Variants in MAML2 observed in about 807,000 individuals in gnomAD.
MAML2 encodes the protein mastermind-like protein 2.
A neutral mutation model predicts 96.1 loss-of-function variants in MAML2; 22 were observed. The ratio of observed to expected loss-of-function variants is 0.23; its 90% CI spans 0.16 to 0.33. MAML2 has a LOEUF of 0.33. Among genes scored for constraint, MAML2 ranks in the 10% least tolerant of loss-of-function variants. The pLI is 1.00. For missense variants in MAML2, 1,367 were observed against 1,392.4 expected (o/e 0.98, Z 0.29); for synonymous variants, 561 against 521.3 (o/e 1.08, Z -1.04).
chr11:96,023,309 T>C (rs551981216), intron 2 of MAML2, among the ~76,000 whole-genome samples: 1 of 152,342 alleles, frequency 6.6e-6, no homozygotes, highest in East Asian at 1.9e-4. Flanking sequence ...ATGGAGTCAC[T>C]GTTTGCATAT....
chr11:96,050,105 G>A (rs1858967634), intron 2 of MAML2, among the ~76,000 whole-genome samples: 1 of 152,034 alleles, frequency 6.6e-6, no homozygotes, highest in African/African-American at 2.4e-5. Context: ...ACCCAGTAAG[G>A]AAGGGTAAAA....
intron 1 of MAML2, among the ~76,000 whole-genome samples, chr11:96,338,559 T>C (rs1755893914): frequency 6.6e-6 from 1 of 152,212 alleles, no homozygotes; most frequent in African/African-American, 2.4e-5. Context: ...ACAGAAGTTG[T>C]CCTTTCACCT....
intron 1 of MAML2, among the ~76,000 whole-genome samples, chr11:96,303,148 G>A (rs1265929611): frequency 6.6e-6 from 1 of 152,146 alleles, no homozygotes; most frequent in Non-Finnish European, 1.5e-5. Context: ...TGACCATCAT[G>A]TAGTTTTAAT....
chr11:96,260,397 G>A (rs186512722), intron 1 of MAML2, among the ~76,000 whole-genome samples: 5 of 152,142 alleles, frequency 3.3e-5, no homozygotes, highest in Admixed American at 3.3e-4. Flanking sequence ...TCCCTTGGCC[G>A]TCTCCTTTTT....
intron 1 of MAML2, among the ~76,000 whole-genome samples, chr11:96,202,288 T>C (rs1410346304): frequency 2.1e-5 from 3 of 144,728 alleles, no homozygotes; most frequent in Admixed American, 6.9e-5. Context: ...GAGGTGGAGA[T>C]TGCAGCGAGC....
intron 2 of MAML2, among the ~76,000 whole-genome samples, chr11:95,996,941 G>A (rs1425248482): frequency 1.3e-5 from 2 of 152,118 alleles, no homozygotes; most frequent in African/African-American, 2.4e-5. Context: ...CACATTCTCA[G>A]CTGATAGATG....
chr11:95,979,134 C>T lies in MAML2; in HGVS notation c.3285G>A (p.Arg1095=). Residue 1095 remains arginine (R), a synonymous_variant, in exon 5 of 5, where the codon AGG becomes AGA. Transcript: ENST00000524717. ...SNFPSPNQSS[R]AFQGTDHSSD... ...TGCTGTGGTCAGTTCCTTGAAAAGCCCTGGAACTTTGGTTGGGTGAAGGAA... is the reference window on the plus strand; with the variant it reads ...TGCTGTGGTCAGTTCCTTGAAAAGCTCTGGAACTTTGGTTGGGTGAAGGAA... 2 of 1,613,930 alleles carry T rather than the reference C, an allele frequency of 1.2e-6. No homozygotes were observed. The highest frequency in any genetic ancestry group is 1.1e-5 in the South Asian group (1 of 91,080).
chr11:96,316,484 A>T (rs1863634980), intron 1 of MAML2, among the ~76,000 whole-genome samples: 1 of 151,960 alleles, frequency 6.6e-6, no homozygotes, highest in Non-Finnish European at 1.5e-5. Flanking sequence ...TGAGATCTAA[A>T]AATTAAGTGG....
At chr11:96,335,787 G>C (rs545163201) in intron 1 of MAML2, among the ~76,000 whole-genome samples, 1 of 152,216 alleles carries the variant, frequency 6.6e-6, no homozygotes, top group South Asian at 2.1e-4. Context: ...CCAGGATGTG[G>C]ATCAATCTCA....
chr11:96,063,001 A>G (rs1859190543), intron 2 of MAML2, among the ~76,000 whole-genome samples: 1 of 152,196 alleles, frequency 6.6e-6, no homozygotes, highest in Non-Finnish European at 1.5e-5. Context: ...TAAAACCCAA[A>G]ACAAACTCTT....
At chr11:96,186,737 C>T (rs559642672) in intron 1 of MAML2, among the ~76,000 whole-genome samples, 6 of 152,284 alleles carry the variant, frequency 3.9e-5, no homozygotes, top group East Asian at 3.9e-4. Context: ...GATGAGAAAC[C>T]GATAGAGAGA....
rs547794764 is a variant in MAML2 at position 96,022,899 on chromosome 11, G to C, written c.2140-31176C>G. Among the ~76,000 whole-genome samples the C allele has an allele frequency of 2.0e-5, 3 of 152,306 alleles. No individual in the cohort carries two copies. In the East Asian group the frequency reaches 5.8e-4, roughly 29 times the overall value. Reference sequence around the variant, plus strand: ...GATGGGCAGATGGACTAGGCCAGTAGACATGACGCTTAACCTCAAAACCAG... The same window carrying C: ...GATGGGCAGATGGACTAGGCCAGTACACATGACGCTTAACCTCAAAACCAG... On this transcript the variant is annotated intron_variant, in intron 2 of 4. Coordinates refer to ENST00000524717, the MANE Select transcript of MAML2 (RefSeq NM_032427.4).
At chr11:96,173,784 T>C (rs927399161) in intron 1 of MAML2, among the ~76,000 whole-genome samples, 1 of 152,256 alleles carries the variant, frequency 6.6e-6, no homozygotes, top group African/African-American at 2.4e-5. Context: ...CATCATTATG[T>C]ACTCCTCACT....
intron 1 of MAML2, among the ~76,000 whole-genome samples, chr11:96,321,098 A>G (rs1356218696): frequency 6.6e-6 from 1 of 152,240 alleles, no homozygotes; most frequent in Non-Finnish European, 1.5e-5. Context: ...AGGTACTTCC[A>G]CAGCATATGG....
chr11:96,285,966 G>A lies in MAML2; in HGVS notation c.513+55417C>T, dbSNP rs473445. On this transcript the variant is annotated intron_variant, in intron 1 of 4. Transcript: ENST00000524717. Reference sequence around the variant, plus strand: ...AAATACCATTTGACCCAGCAATCCCGTTACTGGGTATATACCCAAAGGAAT... The same window carrying A: ...AAATACCATTTGACCCAGCAATCCCATTACTGGGTATATACCCAAAGGAAT... Among the ~76,000 whole-genome samples, 543 of 152,212 alleles carry A rather than the reference G, an allele frequency of 3.6e-3. 3 individuals carry two copies. Among genetic ancestry groups the A allele is most frequent in the African/African-American group, 0.013 (525 of 41,544 alleles).
intron 2 of MAML2, among the ~76,000 whole-genome samples, chr11:96,062,526 AG>A (rs1221120362): frequency 3.3e-5 from 5 of 152,234 alleles, no homozygotes; most frequent in African/African-American, 4.8e-5. Context: ...GGCTACAATA[AG>A]GGTGGCAGAG....
chr11:96,189,936 G>A (rs1861628701), intron 1 of MAML2, among the ~76,000 whole-genome samples: 1 of 152,150 alleles, frequency 6.6e-6, no homozygotes, highest in South Asian at 2.1e-4. Context: ...ATCTAGGATT[G>A]TATATGGCTG....
chr11:96,218,723 A>G (rs1269445405), intron 1 of MAML2, among the ~76,000 whole-genome samples: 2 of 152,168 alleles, frequency 1.3e-5, no homozygotes, highest in African/African-American at 4.8e-5. Context: ...TTTTCCCTCC[A>G]ATTCCTGACT....
At chr11:96,132,796 T>C (rs1860567815) in intron 1 of MAML2, among the ~76,000 whole-genome samples, 1 of 152,246 alleles carries the variant, frequency 6.6e-6, no homozygotes, top group African/African-American at 2.4e-5. Flanking sequence ...TATTTGGGTG[T>C]TCTGGACTGC....
Sources: gnomAD v4.1 joint callset for allele counts (sites outside exome capture counted in the v4.1 genomes callset) on GRCh38, gnomAD v4.1.1 for gene constraint, MANE v1.5 for transcripts, NCBI Gene and HGNC (gene_info 2026-07-23, HGNC 2026-07-21) for gene names.